CTDSP1: variants seen among roughly 807,000 people sequenced by gnomAD.
CTDSP1 encodes carboxy-terminal domain RNA polymerase II polypeptide A small phosphatase 1.
CTDSP1 carries 15 observed loss-of-function variants against 32.5 expected under a neutral mutation model. That is an observed-to-expected ratio of 0.46 (90% CI 0.31 to 0.71). The LOEUF (loss-of-function observed/expected upper bound fraction) is 0.71, where lower values mean the gene tolerates loss of function less well. CTDSP1 is among the 30% of genes least tolerant of loss of function. The pLI is 0.05. For missense variants in CTDSP1, 294 were observed against 351.1 expected (o/e 0.84, Z 1.30); for synonymous variants, 185 against 145.4 (o/e 1.27, Z -1.96).
chr2:218,398,488 C>G, upstream of CTDSP1: 1 of 1,484,634 alleles, frequency 6.7e-7, no homozygotes, highest in Non-Finnish European at 9.0e-7. Flanking sequence ...GGGTATCAGT[C>G]CCCGACAGTC....
Position 218,400,397 on chromosome 2 carries a change from G to A in CTDSP1, c.67+240G>A. 4 of 581,776 alleles carry A rather than the reference G, an allele frequency of 6.9e-6. No individual in the cohort carries two copies. The Admixed American group carries it at 9.3e-5, about 14-fold the overall frequency. The allele number at this position is 581,776 out of a possible 1,614,324, so 36.0% of individuals were successfully genotyped here. Reference sequence around the variant, plus strand: ...CGCTCGAGGTGAGGAAACTGAGGCAGGAATAGAGAGGGAACTCTTCGGGGG... The same window carrying A: ...CGCTCGAGGTGAGGAAACTGAGGCAAGAATAGAGAGGGAACTCTTCGGGGG... On this transcript the variant is annotated intron_variant, in intron 1 of 6. Coordinates refer to ENST00000273062, the MANE Select transcript of CTDSP1 (RefSeq NM_021198.3).
At chr2:218,401,021 A>C (rs1697108779) in intron 1 of CTDSP1, 1 of 437,964 alleles carries the variant, frequency 2.3e-6, no homozygotes, top group Non-Finnish European at 4.6e-6. Context: ...GCTGGGCTCC[A>C]GGTCGGAGGT....
At chr2:218,402,897 G>A in intron 4 of CTDSP1, 138 bp from the exon 5 acceptor site, 1 of 692,244 alleles carries the variant, frequency 1.4e-6, no homozygotes, top group Non-Finnish European at 2.6e-6. Context: ...CAGTGGTCAG[G>A]GTAGCTGGCC....
Position 218,405,283 on chromosome 2 carries a change from G to A in CTDSP1, c.*858G>A, listed in dbSNP as rs899267038. ...CCTGGGCCCAGAAGTTGGGGGGAGG[G>A]AGGGAAAGGATTTTTACATTTTTTA... On this transcript the variant is annotated 3_prime_UTR_variant, in exon 7 of 7. Coordinates refer to ENST00000273062, the MANE Select transcript of CTDSP1 (RefSeq NM_021198.3). 6.5e-6 allele frequency: 1 copy of A among 152,814 alleles called. No homozygotes were observed. The highest frequency in any genetic ancestry group is 2.4e-5 in the African/African-American group (1 of 41,462). The allele number at this position is 152,814 out of a possible 1,614,324, so 9.5% of individuals were successfully genotyped here. A position where few individuals can be genotyped will look rare whatever the true frequency, so the allele number is the denominator to read the frequency against.
chr2:218,400,534 G>GCCCCACC (rs1385865680), intron 1 of CTDSP1: 5 of 379,648 alleles, frequency 1.3e-5, no homozygotes, highest in East Asian at 6.6e-5. Flanking sequence ...CTGAGACTCC[G>GCCCCACC]CCCCACCCCC....
chr2:218,404,254 A>G (rs1232991335), intron 6 of CTDSP1, 43 bp from the exon 7 acceptor site: 10 of 1,603,602 alleles, frequency 6.2e-6, no homozygotes, highest in African/African-American at 1.3e-5. Flanking sequence ...TTCTGCACCC[A>G]GGACCACCTG....
chr2:218,401,158 G>A lies in CTDSP1; in HGVS notation c.68-406G>A, dbSNP rs938506555. 5 of 363,494 alleles carry A rather than the reference G, an allele frequency of 1.4e-5. No homozygotes were observed. In the Admixed American group the frequency reaches 1.4e-4, roughly 10 times the overall value. The allele number at this position is 363,494 out of a possible 1,614,324, so 22.5% of individuals were successfully genotyped here. ...ACGGGGGTGGAGAGGATGGAGGGAG[G>A]GCAGGGGTGGACTGCCCTGGGTCCC... On this transcript the variant is annotated intron_variant, in intron 1 of 6. Coordinates refer to ENST00000273062, the MANE Select transcript of CTDSP1 (RefSeq NM_021198.3).
At position 218,404,751 on chromosome 2, in the gene CTDSP1, C is replaced by A. The variant is rs1697331677; in HGVS notation, c.*326C>A. The A allele has an allele frequency of 7.8e-6, 2 of 255,644 alleles. No individual in the cohort carries two copies. The highest frequency in any genetic ancestry group is 1.5e-5 in the Non-Finnish European group (2 of 132,454). 15.8% of individuals were successfully genotyped at this position (255,644 alleles called of 1,614,324 possible). On this transcript the variant is annotated 3_prime_UTR_variant, in exon 7 of 7. Coordinates refer to ENST00000273062, the MANE Select transcript of CTDSP1 (RefSeq NM_021198.3). ...TGCTGCCAAATTGGGCCCCTTGGCCCCTTCCGGTTCTGCTTCCTGGGGGCA... is the reference window on the plus strand; with the variant it reads ...TGCTGCCAAATTGGGCCCCTTGGCCACTTCCGGTTCTGCTTCCTGGGGGCA...
At chr2:218,397,343 C>T (rs1696871680), upstream of CTDSP1, among the ~76,000 whole-genome samples, 1 of 152,178 alleles carries the variant, frequency 6.6e-6, no homozygotes, top group Admixed American at 6.5e-5. Context: ...CAAATCGACC[C>T]TCCAGGAAGA....
chr2:218,400,419 G>T, intron 1 of CTDSP1: 1 of 572,472 alleles, frequency 1.7e-6, no homozygotes, highest in East Asian at 3.1e-5. Context: ...GAACTCTTCG[G>T]GGGTTTCCTG....
intron 1 of CTDSP1, chr2:218,401,036 G>A: frequency 2.4e-6 from 1 of 424,944 alleles, no homozygotes; most frequent in South Asian, 1.7e-5. Context: ...GGAGGTCTGG[G>A]CGGGGCAGGG....
intron 2 of CTDSP1, 38 bp from the exon 3 acceptor site, chr2:218,402,073 G>C (rs772793528): frequency 6.9e-7 from 1 of 1,440,172 alleles, no homozygotes; most frequent in South Asian, 1.2e-5. Flanking sequence ...GACCAGGCCC[G>C]GAGAGAGGCA....
In CTDSP1 at chr2:218,403,216, C is replaced by T. The variant is rs201362148; in HGVS notation, c.472-16C>T. On this transcript the variant is annotated splice_polypyrimidine_tract_variant and intron_variant, in intron 5 of 6. Coordinates refer to ENST00000273062, the MANE Select transcript of CTDSP1 (RefSeq NM_021198.3). ...TGAACCTGCGGGCCCCAGGATGACCCACCTCCTGCTCCCAGTACGCAGACC... is the reference window on the plus strand; with the variant it reads ...TGAACCTGCGGGCCCCAGGATGACCTACCTCCTGCTCCCAGTACGCAGACC... The T allele has an allele frequency of 1.7e-5, 27 of 1,611,196 alleles. No individual in the cohort carries two copies. The African/African-American group carries it at 2.9e-4, about 17-fold the overall frequency.
upstream of CTDSP1, chr2:218,398,735 G>A (rs2739047): frequency 0.087 from 26,431 of 303,326 alleles, 1,248 homozygotes; most frequent in East Asian, 0.17. Context: ...AGTGCCGAGG[G>A]GTGTTTGTCG....
chr2:218,405,095 C>G lies in CTDSP1; in HGVS notation c.*670C>G, dbSNP rs533186308. 18 of 152,948 alleles carry G rather than the reference C, an allele frequency of 1.2e-4. No individual in the cohort carries two copies. Among genetic ancestry groups the G allele is most frequent in the African/African-American group, 4.3e-4 (18 of 41,460 alleles). The allele number at this position is 152,948 out of a possible 1,614,324, so 9.5% of individuals were successfully genotyped here. A position where few individuals can be genotyped will look rare whatever the true frequency, so the allele number is the denominator to read the frequency against. On this transcript the variant is annotated 3_prime_UTR_variant, in exon 7 of 7. Transcript: ENST00000273062. ...TCATCCAAGCAATGACCTCAGACTT[C>G]TGCCTTAACCAGCCCCGGGGCTTGG...
chr2:218,402,270 G>A, intron 3 of CTDSP1, 55 bp downstream of exon 3: 3 of 1,611,480 alleles, frequency 1.9e-6, no homozygotes, highest in Non-Finnish European at 2.5e-6. Flanking sequence ...CCCCCACCCT[G>A]GCCTGGGAGG....
chr2:218,399,870 A>T lies in CTDSP1; in HGVS notation c.-221A>T, dbSNP rs562849555. 5 of 1,243,064 alleles carry T rather than the reference A, an allele frequency of 4.0e-6. No individual in the cohort carries two copies. Among genetic ancestry groups the T allele is most frequent in the Non-Finnish European group, 5.0e-6 (5 of 993,128 alleles). The allele number at this position is 1,243,064 out of a possible 1,614,324, so 77.0% of individuals were successfully genotyped here. On this transcript the variant is annotated 5_prime_UTR_variant, in exon 1 of 7. Coordinates refer to ENST00000273062, the MANE Select transcript of CTDSP1 (RefSeq NM_021198.3). ...AACGGCGCCTGGGTTCCATGTTTGCATCCGCCTCGCGGGAAGGAAACTCCA... is the reference window on the plus strand; with the variant it reads ...AACGGCGCCTGGGTTCCATGTTTGCTTCCGCCTCGCGGGAAGGAAACTCCA...
intron 6 of CTDSP1, 114 bp from the exon 7 acceptor site, chr2:218,404,183 G>A (rs1490572424): frequency 7.6e-7 from 1 of 1,315,984 alleles, no homozygotes; most frequent in African/African-American, 1.5e-5. Flanking sequence ...GAACACTGTG[G>A]GTGAGGGGTT....
chr2:218,402,588 T>G (rs1183061829), intron 4 of CTDSP1, 183 bp downstream of exon 4: 4 of 766,376 alleles, frequency 5.2e-6, no homozygotes, highest in Admixed American at 1.9e-5. Context: ...ACTCCAAGCC[T>G]GCAGAGTGGG....
Sources: gnomAD v4.1 joint callset for allele counts (sites outside exome capture counted in the v4.1 genomes callset) on GRCh38, gnomAD v4.1.1 for gene constraint, MANE v1.5 for transcripts, NCBI Gene and HGNC (gene_info 2026-07-23, HGNC 2026-07-21) for gene names.